The following CXXC4 variants were observed in gnomAD, a reference collection of about 807,000 sequenced individuals.
CXXC4 encodes CXXC-type zinc finger protein 4.
A neutral mutation model predicts 20.5 loss-of-function variants in CXXC4; 5 were observed. That is an observed-to-expected ratio of 0.24 (90% CI 0.13 to 0.51). The LOEUF (loss-of-function observed/expected upper bound fraction) is 0.51, where lower values mean the gene tolerates loss of function less well. CXXC4 is among the 20% of genes least tolerant of loss of function. The pLI, the probability that CXXC4 is intolerant of heterozygous loss-of-function variation, is 0.97. For synonymous variants in CXXC4, 250 were observed against 216.4 expected, an observed-to-expected ratio of 1.16 and a Z score of -1.36; for missense variants, 419 against 496.4, an observed-to-expected ratio of 0.84 and a Z score of 1.48.
Position 104,488,342 on chromosome 4 carries a change from T to C in CXXC4, c.1059+2402A>G, listed in dbSNP as rs539493798. 1.1e-4 allele frequency among the ~76,000 whole-genome samples: 17 copies of C among 152,352 alleles called. No individual in the cohort carries two copies. The East Asian group carries it at 2.9e-3, about 26-fold the overall frequency. On this transcript the variant is annotated intron_variant, in intron 2 of 2. Coordinates refer to ENST00000394767, the MANE Select transcript of CXXC4 (RefSeq NM_025212.4). ...CTTTGGTTCAGTCATGTAAGCCCTG[T>C]CACTCTGACATGTGCTCAGCTGGTT...
intron 2 of CXXC4, among the ~76,000 whole-genome samples, chr4:104,489,086 A>G (rs1736769030): frequency 6.6e-6 from 1 of 152,134 alleles, no homozygotes; most frequent in East Asian, 1.9e-4. Flanking sequence ...TTCAAAAGCT[A>G]TTTTTTGCCA....
chr4:104,491,423 C>A lies in CXXC4; in HGVS notation c.380G>T (p.Gly127Val). 1 of 1,046,386 alleles carries A rather than the reference C, an allele frequency of 9.6e-7. No homozygotes were observed. The highest frequency in any genetic ancestry group is 1.7e-5 in the African/African-American group (1 of 58,380). The allele number at this position is 1,046,386 out of a possible 1,614,324, so 64.8% of individuals were successfully genotyped here. Reference protein sequence around the residue: ...GGGGGGGGGGGGGGGGGGRKS... With the variant: ...GGGGGGGGGGVGGGGGGGRKS... The stretch of plus-strand genomic sequence containing the variant: ...CCTGCCGCCCCCACCACCCCCGCCC[C>A]CGCCTCCGCCGCCGCCGCCGCCGCC... Residue 127 changes from glycine (G) to valine (V), a missense_variant, in exon 2 of 3, where the codon GGG becomes GTG. By Grantham distance (109) the Gly-to-Val change is moderately radical. This residue lies in a region of CXXC4 where 388 missense variants were observed against 416.0 expected (regional missense o/e 0.93). Coordinates refer to ENST00000394767, the MANE Select transcript of CXXC4 (RefSeq NM_025212.4).
At chr4:104,481,144 A>G (rs1373105035) in intron 2 of CXXC4, among the ~76,000 whole-genome samples, 6 of 152,190 alleles carry the variant, frequency 3.9e-5, no homozygotes, top group Admixed American at 1.3e-4. Context: ...AAGGCTTTTA[A>G]ATAGGTGTGA....
At chr4:104,493,134 T>C (rs1736946733) in intron 1 of CXXC4, among the ~76,000 whole-genome samples, 1 of 152,164 alleles carries the variant, frequency 6.6e-6, no homozygotes, top group Non-Finnish European at 1.5e-5. Context: ...GAAAGTTTAA[T>C]GTTAACTGGG....
chr4:104,475,590 A>AT lies in CXXC4; in HGVS notation c.1060-3225dup, dbSNP rs1270462624. Among the ~76,000 whole-genome samples the AT allele has an allele frequency of 3.3e-5, 5 of 152,046 alleles. 1 individual carries two copies. The highest frequency in any genetic ancestry group is 9.7e-5 in the African/African-American group (4 of 41,416). Reference sequence around the variant, plus strand: ...AGTTTGTACTAATTTGAGGACACATATTTTTTCATTCTGTCAACTAATGAG... The same window carrying AT: ...AGTTTGTACTAATTTGAGGACACATATTTTTTTCATTCTGTCAACTAATGAG... On this transcript the variant is annotated intron_variant, in intron 2 of 2. Coordinates refer to ENST00000394767, the MANE Select transcript of CXXC4 (RefSeq NM_025212.4).
At chr4:104,487,264 G>A (rs1180921188) in intron 2 of CXXC4, among the ~76,000 whole-genome samples, 5 of 152,078 alleles carry the variant, frequency 3.3e-5, no homozygotes, top group Non-Finnish European at 7.4e-5. Flanking sequence ...TGGGGGAAGG[G>A]AAACCTCCTG....
intron 2 of CXXC4, among the ~76,000 whole-genome samples, chr4:104,480,767 C>T (rs34384561): frequency 0.2 from 30,730 of 151,776 alleles, 9,448 homozygotes; most frequent in African/African-American, 0.67. Flanking sequence ...TTTGCCAATA[C>T]GCCCCTTTCT....
At chr4:104,485,442 A>G (rs1736662087) in intron 2 of CXXC4, among the ~76,000 whole-genome samples, 1 of 152,036 alleles carries the variant, frequency 6.6e-6, no homozygotes, top group African/African-American at 2.4e-5. Context: ...AAGCATATCC[A>G]CTCATATTGA....
intron 2 of CXXC4, among the ~76,000 whole-genome samples, chr4:104,474,040 CT>C (rs1235918187): frequency 6.6e-6 from 1 of 151,924 alleles, no homozygotes; most frequent in Admixed American, 6.6e-5. Context: ...TTTTAAAAGA[CT>C]GTCCTCATCA....
intron 1 of CXXC4, among the ~76,000 whole-genome samples, chr4:104,493,981 G>T (rs1736974558): frequency 6.6e-6 from 1 of 152,016 alleles, no homozygotes; most frequent in Non-Finnish European, 1.5e-5. Context: ...CTTTTTTAGA[G>T]TCTTAGAGTG....
At chr4:104,472,483 T>C (rs1736301287) in intron 2 of CXXC4, 117 bp from the exon 3 acceptor site, 2 of 581,996 alleles carry the variant, frequency 3.4e-6, no homozygotes, top group South Asian at 3.0e-5. Flanking sequence ...ACATAATGAC[T>C]TGTATATTTC....
chr4:104,484,128 C>T (rs972264600), intron 2 of CXXC4, among the ~76,000 whole-genome samples: 1 of 151,960 alleles, frequency 6.6e-6, no homozygotes, highest in African/African-American at 2.4e-5. Context: ...ATACAGTTGC[C>T]TTATTCTCCA....
At chr4:104,479,982 T>C (rs933118558) in intron 2 of CXXC4, among the ~76,000 whole-genome samples, 10 of 152,202 alleles carry the variant, frequency 6.6e-5, no homozygotes, top group Non-Finnish European at 1.3e-4. Flanking sequence ...TTAATTTTTA[T>C]CAAGTCTTTA....
Position 104,471,234 on chromosome 4 carries a change from G to A in CXXC4, c.*1088C>T, listed in dbSNP as rs1736265613. On this transcript the variant is annotated 3_prime_UTR_variant, in exon 3 of 3. Coordinates refer to ENST00000394767, the MANE Select transcript of CXXC4 (RefSeq NM_025212.4). The stretch of plus-strand genomic sequence containing the variant: ...GCAGAAGCCCTCAACATATTCAAGT[G>A]TTAAAACTACCCATTTAATATCATA... 1.3e-5 allele frequency: 2 copies of A among 152,096 alleles called. No homozygotes were observed. The highest frequency in any genetic ancestry group is 4.1e-4 in the South Asian group (2 of 4,820). 9.4% of individuals were successfully genotyped at this position (152,096 alleles called of 1,614,324 possible). A position where few individuals can be genotyped will look rare whatever the true frequency, so the allele number is the denominator to read the frequency against.
At chr4:104,478,297 C>T (rs1425586356) in intron 2 of CXXC4, among the ~76,000 whole-genome samples, 1 of 152,076 alleles carries the variant, frequency 6.6e-6, no homozygotes, top group East Asian at 1.9e-4. Context: ...ACCTAGCTAA[C>T]TTCTGCAAAT....
Position 104,471,254 on chromosome 4 carries a change from A to G in CXXC4, c.*1068T>C, listed in dbSNP as rs1736266263. The G allele has an allele frequency of 6.6e-6, 1 of 152,086 alleles. No homozygotes were observed. The highest frequency in any genetic ancestry group is 2.4e-5 in the African/African-American group (1 of 41,436). The allele number at this position is 152,086 out of a possible 1,614,324, so 9.4% of individuals were successfully genotyped here. Reference sequence around the variant, plus strand: ...CAAGTGTTAAAACTACCCATTTAATATCATACATGAAGTTAAAACATTGGG... The same window carrying G: ...CAAGTGTTAAAACTACCCATTTAATGTCATACATGAAGTTAAAACATTGGG... On this transcript the variant is annotated 3_prime_UTR_variant, in exon 3 of 3. Coordinates refer to ENST00000394767, the MANE Select transcript of CXXC4 (RefSeq NM_025212.4).
Position 104,491,422 on chromosome 4 carries a change from C to CCCGCCT in CXXC4, c.375_380dup (p.Gly133_Gly134dup), listed in dbSNP as rs1306880952. 1.4e-5 allele frequency: 14 copies of CCCGCCT among 982,168 alleles called. No individual in the cohort carries two copies. The highest frequency in any genetic ancestry group is 3.5e-5 in the African/African-American group (2 of 56,760). 60.8% of individuals were successfully genotyped at this position (982,168 alleles called of 1,614,324 possible). A position where few individuals can be genotyped will look rare whatever the true frequency, so the allele number is the denominator to read the frequency against. On this transcript the variant is annotated inframe_insertion, in exon 2 of 3. Coordinates refer to ENST00000394767, the MANE Select transcript of CXXC4 (RefSeq NM_025212.4). ...TCCTGCCGCCCCCACCACCCCCGCC[C>CCCGCCT]CCGCCTCCGCCGCCGCCGCCGCCGC...
At position 104,470,028 on chromosome 4, in the gene CXXC4, T is replaced by C. The variant is rs1446572992; in HGVS notation, c.*2294A>G. On this transcript the variant is annotated 3_prime_UTR_variant, in exon 3 of 3. Transcript: ENST00000394767. ...CTACTGTAGCCTGAATAGAAGTTTG[T>C]TTCACTTCTGTAATAACAATCATCA... is the stretch of plus-strand genomic sequence containing the variant. 4.6e-5 allele frequency: 7 copies of C among 151,992 alleles called. No homozygotes were observed. Among genetic ancestry groups the C allele is most frequent in the African/African-American group, 1.7e-4 (7 of 41,416 alleles). 9.4% of individuals were successfully genotyped at this position (151,992 alleles called of 1,614,324 possible).
intron 2 of CXXC4, among the ~76,000 whole-genome samples, chr4:104,488,213 C>A (rs1224469562): frequency 6.6e-6 from 1 of 152,196 alleles, no homozygotes; most frequent in Admixed American, 6.5e-5. Context: ...AGCCAGGAAC[C>A]CATCCAATCT....
Sources: gnomAD v4.1 joint callset for allele counts (sites outside exome capture counted in the v4.1 genomes callset) on GRCh38, gnomAD v4.1.1 for gene constraint, gnomAD v4.1.1 regional missense constraint, MANE v1.5 for transcripts, NCBI Gene and HGNC (gene_info 2026-07-23, HGNC 2026-07-21) for gene names.